Variants in NKAIN3 observed in about 807,000 individuals in gnomAD.
NKAIN3 encodes the protein sodium/potassium-transporting ATPase subunit beta-1-interacting protein 3.
Under a neutral mutation model 30.2 loss-of-function variants are expected in NKAIN3, and 25 were observed. The observed-to-expected ratio is 0.83, with a 90% CI of 0.60 to 1.16. The LOEUF (loss-of-function observed/expected upper bound fraction) is 1.16, where lower values mean the gene tolerates loss of function less well. NKAIN3 is among the 50% of genes most tolerant of loss of function. The pLI is 0.00. For synonymous variants in NKAIN3, 91 were observed against 89.6 expected (o/e 1.02, Z -0.09); for missense variants, 225 against 254.1 (o/e 0.89, Z 0.78).
intron 1 of NKAIN3, among the ~76,000 whole-genome samples, chr8:62,356,611 C>T (rs1296988115): frequency 6.6e-6 from 1 of 152,108 alleles, no homozygotes; most frequent in East Asian, 1.9e-4. Context: ...TAACTATTGC[C>T]TTGTTCTGGC....
At chr8:62,480,712 C>A (rs1433302658) in intron 1 of NKAIN3, among the ~76,000 whole-genome samples, 1 of 152,074 alleles carries the variant, frequency 6.6e-6, no homozygotes, top group Non-Finnish European at 1.5e-5. Context: ...CCCAGAAAAT[C>A]ATTTCCTGTA....
intron 4 of NKAIN3, among the ~76,000 whole-genome samples, chr8:62,812,617 A>G (rs1818525911): frequency 6.6e-6 from 1 of 151,522 alleles, no homozygotes; most frequent in African/African-American, 2.4e-5. Flanking sequence ...TTTTTTTTTA[A>G]TTCTTAGAAT....
chr8:62,620,280 T>G (rs1811583458), intron 3 of NKAIN3, among the ~76,000 whole-genome samples: 1 of 152,132 alleles, frequency 6.6e-6, no homozygotes. Flanking sequence ...ACCTCTCAAA[T>G]GAGGGTCTTA....
intron 3 of NKAIN3, among the ~76,000 whole-genome samples, chr8:62,617,745 A>G (rs1260731854): frequency 1.3e-5 from 2 of 151,814 alleles, no homozygotes; most frequent in Non-Finnish European, 2.9e-5. Flanking sequence ...CATTATTGAC[A>G]GCTTCCTCTG....
At chr8:62,369,917 T>C (rs373735425) in intron 1 of NKAIN3, among the ~76,000 whole-genome samples, 2 of 151,722 alleles carry the variant, frequency 1.3e-5, no homozygotes, top group African/African-American at 2.4e-5. Flanking sequence ...CCAGCCAAGA[T>C]AGAAAAAAAA....
intron 4 of NKAIN3, among the ~76,000 whole-genome samples, chr8:62,889,376 A>AAAT (rs1377454726): frequency 5.9e-5 from 9 of 152,034 alleles, no homozygotes; most frequent in Middle Eastern, 3.2e-3. Flanking sequence ...ATCTCGAAAA[A>AAAT]AATAATAATA....
chr8:62,621,840 A>G (rs1811625223), intron 3 of NKAIN3, among the ~76,000 whole-genome samples: 1 of 152,014 alleles, frequency 6.6e-6, no homozygotes, highest in Non-Finnish European at 1.5e-5. Context: ...TTTATGTTTT[A>G]TATTTAAGTT....
intron 4 of NKAIN3, among the ~76,000 whole-genome samples, chr8:62,908,112 A>T (rs566032386): frequency 6.6e-6 from 1 of 152,142 alleles, no homozygotes; most frequent in South Asian, 2.1e-4. Flanking sequence ...CATCAGTGTG[A>T]CCCGGATGTG....
At chr8:62,668,773 AT>A (rs755252266) in intron 3 of NKAIN3, among the ~76,000 whole-genome samples, 23 of 152,318 alleles carry the variant, frequency 1.5e-4, no homozygotes, top group Middle Eastern at 3.4e-3. Context: ...AATTTAAAAA[AT>A]ATTTTTAAAA....
chr8:62,673,664 C>A (rs1252581453), intron 3 of NKAIN3, among the ~76,000 whole-genome samples: 2 of 152,156 alleles, frequency 1.3e-5, no homozygotes, highest in Admixed American at 1.3e-4. Context: ...GATGGTAGTG[C>A]CTACTACATG....
chr8:62,943,135 A>G (rs1183297763), intron 5 of NKAIN3, among the ~76,000 whole-genome samples: 1 of 152,192 alleles, frequency 6.6e-6, no homozygotes, highest in African/African-American at 2.4e-5. Context: ...CGAATTATGC[A>G]TCTGACAAAC....
intron 3 of NKAIN3, among the ~76,000 whole-genome samples, chr8:62,624,641 T>A (rs548758686): frequency 6.6e-6 from 1 of 152,080 alleles, no homozygotes; most frequent in Admixed American, 6.6e-5. Flanking sequence ...TGGTTTAGTG[T>A]CTTACATTAG....
chr8:62,794,196 T>C (rs1347012174), intron 4 of NKAIN3, among the ~76,000 whole-genome samples: 2 of 152,194 alleles, frequency 1.3e-5, no homozygotes, highest in African/African-American at 4.8e-5. Flanking sequence ...TTAATTTCTC[T>C]ACAGTAAGTA....
At chr8:62,523,809 C>T (rs546717667) in intron 1 of NKAIN3, among the ~76,000 whole-genome samples, 4 of 152,118 alleles carry the variant, frequency 2.6e-5, no homozygotes, top group Admixed American at 2.0e-4. Flanking sequence ...GGTACAGGTA[C>T]GTCAGCTCTC....
At chr8:62,716,696 G>C (rs552994224) in intron 3 of NKAIN3, among the ~76,000 whole-genome samples, 42 of 151,668 alleles carry the variant, frequency 2.8e-4, no homozygotes, top group Non-Finnish European at 5.6e-4. Context: ...AACATTAATA[G>C]ATATACAGAG....
chr8:62,751,037 AC>A (rs573360521), intron 4 of NKAIN3, among the ~76,000 whole-genome samples: 18 of 152,142 alleles, frequency 1.2e-4, no homozygotes, highest in African/African-American at 3.6e-4. Context: ...CCTTCCGATC[AC>A]CCTTCAGTGA....
At chr8:62,807,852 T>C (rs1469837392) in intron 4 of NKAIN3, among the ~76,000 whole-genome samples, 2 of 150,880 alleles carry the variant, frequency 1.3e-5, no homozygotes, top group Non-Finnish European at 3.0e-5. Context: ...ATTTTATCAA[T>C]TTTATAAAAA....
chr8:62,262,754 A>G (rs1296418072), intron 1 of NKAIN3, among the ~76,000 whole-genome samples: 1 of 152,108 alleles, frequency 6.6e-6, no homozygotes, highest in Non-Finnish European at 1.5e-5. Context: ...TTTCACAAGT[A>G]GAAGACAACG....
chr8:62,750,277 C>T (rs1039036238), intron 4 of NKAIN3, among the ~76,000 whole-genome samples: 10 of 151,978 alleles, frequency 6.6e-5, no homozygotes, highest in African/African-American at 2.2e-4. Flanking sequence ...AGCGACTCTC[C>T]ACCGAATGAG....
Sources: gnomAD v4.1 joint callset for allele counts (sites outside exome capture counted in the v4.1 genomes callset) on GRCh38, gnomAD v4.1.1 for gene constraint, MANE v1.5 for transcripts, NCBI Gene and HGNC (gene_info 2026-07-23, HGNC 2026-07-21) for gene names.